Variants in SPOCK1 observed in about 807,000 individuals in gnomAD.
The protein encoded by SPOCK1 is SPARC (osteonectin), cwcv and kazal like domains proteoglycan 1, also known as testican-1.
Under a neutral mutation model 55.3 loss-of-function variants are expected in SPOCK1, and 23 were observed. The observed-to-expected ratio is 0.42, with a 90% CI of 0.30 to 0.59. The LOEUF is 0.59. Among genes scored for constraint, SPOCK1 ranks in the 20% least tolerant of loss-of-function variants. The pLI is 0.22. For synonymous variants in SPOCK1, 226 were observed against 221.0 expected (o/e 1.02, Z -0.20); for missense variants, 499 against 552.5 (o/e 0.90, Z 0.97).
chr5:137,275,307 C>A (rs1434719109), intron 2 of SPOCK1, among the ~76,000 whole-genome samples: 1 of 152,206 alleles, frequency 6.6e-6, no homozygotes, highest in East Asian at 1.9e-4. Context: ...CCATAGCTGG[C>A]AGGCCTCCAT....
At chr5:137,270,222 G>T (rs759962882) in intron 2 of SPOCK1, among the ~76,000 whole-genome samples, 2 of 152,180 alleles carry the variant, frequency 1.3e-5, no homozygotes, top group Admixed American at 6.5e-5. Context: ...AACTTGTCAG[G>T]CAAGGCATAT....
chr5:137,273,171 T>G (rs1757002335), intron 2 of SPOCK1, among the ~76,000 whole-genome samples: 1 of 152,200 alleles, frequency 6.6e-6, no homozygotes, highest in Admixed American at 6.5e-5. Flanking sequence ...TGAGAAAAGA[T>G]AAAGCAGCAA....
At chr5:137,357,045 G>C (rs1750834317) in intron 2 of SPOCK1, among the ~76,000 whole-genome samples, 2 of 151,100 alleles carry the variant, frequency 1.3e-5, no homozygotes, top group African/African-American at 4.9e-5. Context: ...CTGGCCATTA[G>C]CAAAGACTCC....
chr5:137,238,573 C>T (rs541690107), intron 3 of SPOCK1, among the ~76,000 whole-genome samples: 17 of 152,218 alleles, frequency 1.1e-4, no homozygotes, highest in African/African-American at 4.1e-4. Context: ...AGAGTTTACA[C>T]AAGAAAGGCA....
At chr5:137,154,614 C>T (rs1276159019) in intron 3 of SPOCK1, among the ~76,000 whole-genome samples, 1 of 152,218 alleles carries the variant, frequency 6.6e-6, no homozygotes, top group Non-Finnish European at 1.5e-5. Flanking sequence ...TGCAATTAGT[C>T]TCCAGATATC....
At chr5:137,268,605 A>G (rs575864436) in intron 2 of SPOCK1, among the ~76,000 whole-genome samples, 1 of 152,296 alleles carries the variant, frequency 6.6e-6, no homozygotes, top group African/African-American at 2.4e-5. Context: ...TTAGCACCCA[A>G]TTTCTAGGTT....
At chr5:137,212,886 G>A (rs1755643941) in intron 3 of SPOCK1, among the ~76,000 whole-genome samples, 1 of 152,186 alleles carries the variant, frequency 6.6e-6, no homozygotes, top group Admixed American at 6.5e-5. Flanking sequence ...AGAAAACTGG[G>A]GAGAGTAGGG....
chr5:137,492,953 C>T lies in SPOCK1; in HGVS notation c.186+5420G>A, dbSNP rs544947074. Among the ~76,000 whole-genome samples the T allele has an allele frequency of 9.3e-4, 141 of 152,356 alleles. 4 individuals are homozygous for T. In the South Asian group the frequency reaches 0.027, roughly 29 times the overall value. On this transcript the variant is annotated intron_variant, in intron 2 of 10. Transcript: ENST00000394945. ...CACTGGGCACTGTCTTACTCCTTGA[C>T]GGTTCATTAAAATGGTGCATCTTAC...
At chr5:137,303,669 T>C (rs562941942) in intron 2 of SPOCK1, among the ~76,000 whole-genome samples, 23 of 152,266 alleles carry the variant, frequency 1.5e-4, no homozygotes, top group African/African-American at 5.5e-4. Flanking sequence ...CAATGCCTGG[T>C]TGAGAAGGCA....
intron 2 of SPOCK1, among the ~76,000 whole-genome samples, chr5:137,309,324 G>A (rs1253360882): frequency 6.6e-6 from 1 of 152,150 alleles, no homozygotes; most frequent in Non-Finnish European, 1.5e-5. Context: ...AGAGTTCCTG[G>A]AATTCCTGCT....
chr5:136,993,628 A>T (rs944195836), intron 6 of SPOCK1, among the ~76,000 whole-genome samples: 4 of 152,208 alleles, frequency 2.6e-5, no homozygotes, highest in African/African-American at 9.7e-5. Context: ...CCATATTCTA[A>T]AGCTACAGGA....
intron 2 of SPOCK1, among the ~76,000 whole-genome samples, chr5:137,443,182 A>G (rs575453822): frequency 1.1e-4 from 17 of 152,246 alleles, no homozygotes; most frequent in African/African-American, 3.9e-4. Context: ...CCCCTAAGTC[A>G]TGGCTAATTC....
chr5:137,291,677 G>T lies in SPOCK1; in HGVS notation c.187-24622C>A, dbSNP rs571331557. The stretch of plus-strand genomic sequence containing the variant: ...TGAGCTATGAGAACTCCATGCAAAT[G>T]AAAGCTGATGGGAGGCTTGGACATG... On this transcript the variant is annotated intron_variant, in intron 2 of 10. Coordinates refer to ENST00000394945, the MANE Select transcript of SPOCK1 (RefSeq NM_004598.4). Among the ~76,000 whole-genome samples, 5 of 152,356 alleles carry T rather than the reference G, an allele frequency of 3.3e-5. No individual in the cohort carries two copies. In the South Asian group the frequency reaches 8.3e-4, roughly 25 times the overall value.
chr5:137,324,939 G>A (rs1175437839), intron 2 of SPOCK1, among the ~76,000 whole-genome samples: 2 of 149,072 alleles, frequency 1.3e-5, no homozygotes, highest in Non-Finnish European at 3.0e-5. Context: ...AAGCTGTGCA[G>A]ACAAGCTTGA....
At chr5:137,208,162 T>C (rs1002105582) in intron 3 of SPOCK1, among the ~76,000 whole-genome samples, 3 of 152,190 alleles carry the variant, frequency 2.0e-5, no homozygotes, top group Admixed American at 2.0e-4. Context: ...CAGAAAAACA[T>C]TATTTTTTTC....
At chr5:137,274,515 T>C (rs1456318946) in intron 2 of SPOCK1, among the ~76,000 whole-genome samples, 1 of 152,236 alleles carries the variant, frequency 6.6e-6, no homozygotes, top group Non-Finnish European at 1.5e-5. Flanking sequence ...GTGCTTGGTA[T>C]GATATCTGGC....
chr5:137,245,446 T>C (rs1446923132), intron 3 of SPOCK1, among the ~76,000 whole-genome samples: 2 of 152,210 alleles, frequency 1.3e-5, no homozygotes, highest in Non-Finnish European at 2.9e-5. Flanking sequence ...ATTATGCCAA[T>C]TGTTGGTTCT....
intron 2 of SPOCK1, among the ~76,000 whole-genome samples, chr5:137,281,372 G>T (rs867722421): frequency 3.9e-5 from 6 of 152,264 alleles, no homozygotes; most frequent in Admixed American, 3.9e-4. Context: ...GAGCTTCTTG[G>T]GCCATGATCA....
intron 6 of SPOCK1, among the ~76,000 whole-genome samples, chr5:137,067,426 G>A (rs1394701677): frequency 2.0e-5 from 3 of 152,126 alleles, no homozygotes; most frequent in East Asian, 1.9e-4. Context: ...GGGCAGGTCC[G>A]GTCTTAGATG....
Sources: allele counts gnomAD v4.1 joint callset (sites outside exome capture counted in the v4.1 genomes callset), GRCh38; gene constraint gnomAD v4.1.1; transcripts MANE v1.5; gene names NCBI Gene and HGNC (gene_info 2026-07-23, HGNC 2026-07-21).